The following MCM3AP variants were observed in gnomAD, a reference collection of about 807,000 sequenced individuals.
The protein encoded by MCM3AP is germinal-center associated nuclear protein.
MCM3AP carries 126 observed loss-of-function variants against 184.1 expected under a neutral mutation model. The observed-to-expected ratio is 0.68, with a 90% CI of 0.59 to 0.79. The LOEUF (loss-of-function observed/expected upper bound fraction) is 0.79. Ranked by LOEUF, MCM3AP falls within the 30% of genes least tolerant of loss-of-function variation. The probability of loss-of-function intolerance (pLI) is 0.00; values close to 1 mark genes in which losing one functional copy is unlikely to be tolerated. For missense variants in MCM3AP, 2,496 were observed against 2,479.2 expected (o/e 1.01, Z -0.14); for synonymous variants, 1,002 against 979.3 (o/e 1.02, Z -0.43).
Position 46,254,771 on chromosome 21 carries a change from CAG to C in MCM3AP, c.4001+3_4001+4del. On this transcript the variant is annotated splice_donor_region_variant and intron_variant, in intron 18 of 27. Transcript: ENST00000291688. Reference sequence around the variant, plus strand: ...GGGTGCGCAGAAGGGTGCAGCATGACAGACCTCAGCAGCTGCTGGTAGAAGTG... The same window carrying C: ...GGGTGCGCAGAAGGGTGCAGCATGACACCTCAGCAGCTGCTGGTAGAAGTG... The C allele has an allele frequency of 6.2e-7, 1 of 1,613,250 alleles. No individual in the cohort carries two copies. The highest frequency in any genetic ancestry group is 8.5e-7 in the Non-Finnish European group (1 of 1,179,306).
intron 15 of MCM3AP, 116 bp from the exon 16 acceptor site, chr21:46,259,207 G>A: frequency 9.8e-7 from 1 of 1,022,258 alleles, no homozygotes; most frequent in Admixed American, 2.5e-5. Flanking sequence ...TGTAATCCCA[G>A]CACTTTGGAA....
In MCM3AP at chr21:46,284,966, G is replaced by A. The variant is rs202221281; in HGVS notation, c.321C>T (p.Asn107=). 2.5e-5 allele frequency: 41 copies of A among 1,614,120 alleles called. No individual in the cohort carries two copies. In the African/African-American group the frequency reaches 2.8e-4, roughly 11 times the overall value. Residue 107 remains asparagine, a synonymous_variant, in exon 1 of 28, where the codon AAC becomes AAT. Coordinates refer to ENST00000291688, the MANE Select transcript of MCM3AP (RefSeq NM_003906.5). The stretch of plus-strand genomic sequence containing the variant: ...TGGGTGATTTAAAACTAAATCCTGT[G>A]TTTCCCAGCACAGATGAACTTGAAG... ...SGPSSSSVLG[N]TGFSFKSPTS...
At chr21:46,254,148 ATTTC>A (rs2080912777) in intron 19 of MCM3AP, 2 of 537,250 alleles carry the variant, frequency 3.7e-6, no homozygotes, top group South Asian at 4.6e-5. Context: ...AGTCTCAGAT[ATTTC>A]TTTAAAGCAG....
intron 16 of MCM3AP, among the ~76,000 whole-genome samples, chr21:46,257,590 TACA>T (rs915379709): frequency 1.3e-5 from 2 of 151,432 alleles, no homozygotes; most frequent in African/African-American, 4.9e-5. Flanking sequence ...TGTCTGTCTG[TACA>T]ACAACAGTCA....
intron 20 of MCM3AP, chr21:46,249,809 G>C (rs1469068299): frequency 3.7e-6 from 1 of 272,794 alleles, no homozygotes; most frequent in Non-Finnish European, 7.3e-6. Flanking sequence ...ATCTCCACCA[G>C]ACAGCACCTG....
At position 46,235,381 on chromosome 21, in the gene MCM3AP, T is replaced by C. The variant is rs761660668; in HGVS notation, c.5830A>G (p.Thr1944Ala). 41 of 1,614,010 alleles carry C rather than the reference T, an allele frequency of 2.5e-5. 1 individual carries two copies. The highest frequency in any genetic ancestry group is 2.5e-5 in the Non-Finnish European group (30 of 1,180,006). The change falls in exon 28 of 28, where the codon ACG becomes GCG. Residue 1944 changes from threonine (T) to alanine (A), a missense_variant. This residue lies in a region of MCM3AP where 1,323 missense variants were observed against 1,273.4 expected (regional missense o/e 1.04). Coordinates refer to ENST00000291688, the MANE Select transcript of MCM3AP (RefSeq NM_003906.5). ...EQLQLSEATG[T>A]CLGERLKHLE... ...TGCTTTAGTCGTTCGCCTAGACACG[T>C]TCCTGTCGCCTCTGACAGCTGCAGT...
At chr21:46,241,850 A>AGACC in intron 25 of MCM3AP, 1 of 152,294 alleles carries the variant, frequency 6.6e-6, no homozygotes, top group East Asian at 1.9e-4. Flanking sequence ...GGAGGTGAGG[A>AGACC]GACCAAGGAT....
rs1039368157 is a variant in MCM3AP, at chr21:46,246,468, T to C, written c.4550-64A>G. The stretch of plus-strand genomic sequence containing the variant: ...CTGTCAGCACACCTGCTAACATATC[T>C]CACTGTGCTGACCCCACCCAGTCCT... On this transcript the variant is annotated intron_variant, in intron 21 of 27. Transcript: ENST00000291688. 4.4e-6 allele frequency: 6 copies of C among 1,361,236 alleles called. No individual in the cohort carries two copies. The African/African-American group carries it at 8.6e-5, about 19-fold the overall frequency. The allele number at this position is 1,361,236 out of a possible 1,614,324, so 84.3% of individuals were successfully genotyped here.
In MCM3AP at chr21:46,246,301, C is replaced by T. The variant is rs373402073; in HGVS notation, c.4647+6G>A. 4.5e-6 allele frequency: 7 copies of T among 1,563,618 alleles called. No homozygotes were observed. The highest frequency in any genetic ancestry group is 3.3e-4 in the Middle Eastern group (2 of 5,998). ...TGACAGACCATTAAAAATGATGAAA[C>T]CTTACCTTAGTTGAACCTTGTAGAT... On this transcript the variant is annotated splice_donor_region_variant and intron_variant, in intron 22 of 27. Coordinates refer to ENST00000291688, the MANE Select transcript of MCM3AP (RefSeq NM_003906.5).
chr21:46,275,458 T>C (rs753023504), intron 5 of MCM3AP, 133 bp from the exon 6 acceptor site: 2 of 793,148 alleles, frequency 2.5e-6, no homozygotes, highest in Non-Finnish European at 3.8e-6. Flanking sequence ...AAGAAAAACA[T>C]TTGTAAAACT....
chr21:46,273,466 G>A lies in MCM3AP; in HGVS notation c.2118C>T (p.Thr706=). 1.9e-6 allele frequency: 3 copies of A among 1,613,920 alleles called. No individual in the cohort carries two copies. The highest frequency in any genetic ancestry group is 1.7e-5 in the Admixed American group (1 of 60,010). ...VLSRTMDYLV[T]QIMDQKEGSL... ...TGCCCTCCTTCTGGTCCATGATCTG[G>A]GTCACCAGGTAGTCCATGGTCCTGC... The change falls in exon 7 of 28, where the codon ACC becomes ACT. Residue 706 remains threonine, a synonymous_variant. Transcript: ENST00000291688.
At position 46,244,854 on chromosome 21, in the gene MCM3AP, G is replaced by A. The variant is rs576403971; in HGVS notation, c.4991C>T (p.Ala1664Val). ...APEHLAWLKQAVLGFQLPQMD... is the reference protein window; with the variant it reads ...APEHLAWLKQVVLGFQLPQMD... ...CTGCGGAAGCTGGAACCCGAGCACAGCCTGCTTCAGCCAGGCCAGGTGCTC... is the reference window on the plus strand; with the variant it reads ...CTGCGGAAGCTGGAACCCGAGCACAACCTGCTTCAGCCAGGCCAGGTGCTC... The change falls in exon 23 of 28, where the codon GCT (alanine) becomes GTT (valine). Residue 1664 changes from alanine (A) to valine (V), a missense_variant. Physicochemically the swap from Ala to Val is moderately conservative, Grantham distance 64. This residue lies in a region of MCM3AP where 1,323 missense variants were observed against 1,273.4 expected (regional missense o/e 1.04). Coordinates refer to ENST00000291688, the MANE Select transcript of MCM3AP (RefSeq NM_003906.5). 10 of 1,614,200 alleles carry A rather than the reference G, an allele frequency of 6.2e-6. No individual in the cohort carries two copies. The African/African-American group carries it at 1.2e-4, about 19-fold the overall frequency.
chr21:46,257,990 T>C (rs2080983613), intron 16 of MCM3AP, among the ~76,000 whole-genome samples: 1 of 149,850 alleles, frequency 6.7e-6, no homozygotes, highest in South Asian at 2.1e-4. Context: ...TCATTTATGG[T>C]ACATTATCGC....
intron 5 of MCM3AP, among the ~76,000 whole-genome samples, chr21:46,276,337 T>C (rs1255966066): frequency 2.0e-5 from 3 of 152,042 alleles, no homozygotes; most frequent in African/African-American, 4.8e-5. Flanking sequence ...ATCAATGATA[T>C]GATGTTTGAT....
Position 46,241,020 on chromosome 21 carries a change from G to T in MCM3AP, c.5427-3C>A. The T allele has an allele frequency of 6.2e-7, 1 of 1,602,038 alleles. No individual in the cohort carries two copies. Among genetic ancestry groups the T allele is most frequent in the East Asian group, 2.2e-5 (1 of 44,844 alleles). On this transcript the variant is annotated splice_region_variant and splice_polypyrimidine_tract_variant and intron_variant, in intron 25 of 27. Coordinates refer to ENST00000291688, the MANE Select transcript of MCM3AP (RefSeq NM_003906.5). ...GATGAAAAGGCTTTATTGCCAAACT[G>T]TAAGTACATGATTTGAAATGTTTAT...
chr21:46,285,264 C>T lies in MCM3AP; in HGVS notation c.23G>A (p.Ser8Asn). Reference sequence around the variant, plus strand: ...CGAAAAAGCACTAGGCTGCTGCCCACTGAAAGGATTAGTTGGGTTCATCTT... The same window carrying T: ...CGAAAAAGCACTAGGCTGCTGCCCATTGAAAGGATTAGTTGGGTTCATCTT... MNPTNPFSGQQPSAFSAS... is the reference protein window; with the variant it reads MNPTNPFNGQQPSAFSAS... Residue 8 changes from serine (S) to asparagine (N), a missense_variant, in exon 1 of 28, where the codon AGT becomes AAT. This residue lies in a region of MCM3AP where 800 missense variants were observed against 717.1 expected (regional missense o/e 1.12). Transcript: ENST00000291688. The T allele has an allele frequency of 6.2e-7, 1 of 1,613,718 alleles. No homozygotes were observed.
At chr21:46,243,873 G>T in intron 23 of MCM3AP, 151 bp from the exon 24 acceptor site, 1 of 738,238 alleles carries the variant, frequency 1.4e-6, no homozygotes, top group Non-Finnish European at 2.2e-6. Context: ...GGGAAGAGCA[G>T]CTTGCTCCCA....
rs1484234726 is a variant in MCM3AP, at chr21:46,243,618, G to A, written c.5143C>T (p.His1715Tyr). Reference sequence around the variant, plus strand: ...CTCTTCCACCTACAGTAGGTTCTGTGGAGCAGGTTCTCCACCTGGGACTGG... The same window carrying A: ...CTCTTCCACCTACAGTAGGTTCTGTAGAGCAGGTTCTCCACCTGGGACTGG... ...VLQSQVENLL[H>Y]RTYCRWKSKS... Residue 1715 changes from histidine (H) to tyrosine (Y), a missense_variant, in exon 24 of 28, where the codon CAC becomes TAC. His to Tyr is a moderately conservative substitution (Grantham distance 83). Transcript: ENST00000291688. 1 of 1,614,238 alleles carries A rather than the reference G, an allele frequency of 6.2e-7. No homozygotes were observed. Among genetic ancestry groups the A allele is most frequent in the African/African-American group, 1.3e-5 (1 of 75,058 alleles).
At chr21:46,244,776 C>T in intron 23 of MCM3AP, 31 bp downstream of exon 23, 1 of 1,564,192 alleles carries the variant, frequency 6.4e-7, no homozygotes, top group South Asian at 1.2e-5. Context: ...GCTGCAGCCA[C>T]CCACCAGACC....
Sources: gnomAD v4.1 joint callset for allele counts (sites outside exome capture counted in the v4.1 genomes callset) on GRCh38, gnomAD v4.1.1 for gene constraint, gnomAD v4.1.1 regional missense constraint, MANE v1.5 for transcripts, NCBI Gene and HGNC (gene_info 2026-07-23, HGNC 2026-07-21) for gene names.